ADAMTS19: variants seen among roughly 807,000 people sequenced by gnomAD.
ADAMTS19 encodes the protein A disintegrin and metalloproteinase with thrombospondin motifs 19.
ADAMTS19 carries 93 observed loss-of-function variants against 153.3 expected under a neutral mutation model. That is an observed-to-expected ratio of 0.61 (90% CI 0.51 to 0.72). The LOEUF (loss-of-function observed/expected upper bound fraction) is 0.72, where lower values mean the gene tolerates loss of function less well. Ranked by LOEUF, ADAMTS19 falls within the 30% of genes least tolerant of loss-of-function variation. The probability of loss-of-function intolerance (pLI) is 0.00; values close to 1 mark genes in which losing one functional copy is unlikely to be tolerated. For missense variants in ADAMTS19, 1,482 were observed against 1,552.1 expected (o/e 0.95, Z 0.76); for synonymous variants, 600 against 556.6 (o/e 1.08, Z -1.10).
At chr5:129,553,052 A>T (rs2126826031) in intron 7 of ADAMTS19, among the ~76,000 whole-genome samples, 1 of 152,120 alleles carries the variant, frequency 6.6e-6, no homozygotes, top group Non-Finnish European at 1.5e-5. Context: ...TTCCTGTCTG[A>T]ATCTCCAGAA....
intron 4 of ADAMTS19, among the ~76,000 whole-genome samples, chr5:129,527,209 G>A (rs1199980674): frequency 6.6e-6 from 1 of 151,882 alleles, no homozygotes; most frequent in African/African-American, 2.4e-5. Context: ...GAATCAGAAG[G>A]TTGTAGTGAA....
At chr5:129,631,529 C>T (rs1164333069) in intron 10 of ADAMTS19, among the ~76,000 whole-genome samples, 1 of 151,970 alleles carries the variant, frequency 6.6e-6, no homozygotes, top group Admixed American at 6.6e-5. Context: ...TTGCAAGACA[C>T]TAATACAGTT....
rs185782398 is a variant in ADAMTS19 at position 129,649,759 on chromosome 5, A to G, written c.2176+789A>G. ...GCTGTAGTTCTATAGTTGCTCAGGT[A>G]TAACCATGGGGAGAAACTGAATGAA... On this transcript the variant is annotated intron_variant, in intron 13 of 22. Transcript: ENST00000274487. Among the ~76,000 whole-genome samples, 294 of 152,336 alleles carry G rather than the reference A, an allele frequency of 1.9e-3. 1 individual carries two copies. The highest frequency in any genetic ancestry group is 2.7e-3 in the Admixed American group (42 of 15,302).
intron 7 of ADAMTS19, among the ~76,000 whole-genome samples, chr5:129,570,631 T>A (rs1482284284): frequency 6.6e-5 from 4 of 60,536 alleles, no homozygotes; most frequent in Non-Finnish European, 2.5e-4. Flanking sequence ...AGGAAAAAAA[T>A]TAAAAGAAAA....
intron 19 of ADAMTS19, among the ~76,000 whole-genome samples, chr5:129,697,873 T>C (rs1007403973): frequency 1.3e-5 from 2 of 152,242 alleles, no homozygotes; most frequent in African/African-American, 4.8e-5. Flanking sequence ...CACAATTTGT[T>C]TTATATTGCC....
intron 7 of ADAMTS19, among the ~76,000 whole-genome samples, chr5:129,592,695 G>A (rs1291202659): frequency 6.6e-6 from 1 of 152,102 alleles, no homozygotes; most frequent in Non-Finnish European, 1.5e-5. Context: ...AATAAGAATA[G>A]GAATAGATGG....
rs1208377690 is a variant in ADAMTS19 at position 129,460,381 on chromosome 5, G to A, written c.-11G>A. 1.2e-6 allele frequency: 2 copies of A among 1,612,156 alleles called. No homozygotes were observed. The highest frequency in any genetic ancestry group is 3.3e-5 in the Admixed American group (2 of 60,020). On this transcript the variant is annotated 5_prime_UTR_variant, in exon 1 of 23. Coordinates refer to ENST00000274487, the MANE Select transcript of ADAMTS19 (RefSeq NM_133638.6). ...GCGCCGGGCGAGAAGCCGCGGCCGC[G>A]GGAGCGCAGTATGGGGAAGAACCGC... is the stretch of plus-strand genomic sequence containing the variant.
At chr5:129,694,926 A>G in intron 19 of ADAMTS19, 71 bp downstream of exon 19, 1 of 1,326,992 alleles carries the variant, frequency 7.5e-7, no homozygotes, top group Non-Finnish European at 9.9e-7. Context: ...ACATGCTCAG[A>G]ATATCATTGA....
At chr5:129,671,910 A>AG (rs1754318287) in intron 16 of ADAMTS19, among the ~76,000 whole-genome samples, 1 of 152,100 alleles carries the variant, frequency 6.6e-6, no homozygotes, top group Admixed American at 6.6e-5. Flanking sequence ...TCTCACTAAA[A>AG]AAAAATTAAA....
chr5:129,463,264 TG>T (rs1043126151), intron 2 of ADAMTS19, among the ~76,000 whole-genome samples: 3 of 152,216 alleles, frequency 2.0e-5, no homozygotes, highest in Non-Finnish European at 4.4e-5. Context: ...TGTGCACTTT[TG>T]GTCAGATTTT....
intron 14 of ADAMTS19, among the ~76,000 whole-genome samples, chr5:129,658,321 GAAA>G (rs1753647177): frequency 2.3e-5 from 2 of 86,334 alleles, no homozygotes; most frequent in African/African-American, 8.5e-5. Context: ...AAGAAAGAAA[GAAA>G]GAAAGAAAGA....
In ADAMTS19 at chr5:129,620,306, T is replaced by A. The variant is rs141232506; in HGVS notation, c.1479-312T>A. ...AAACATAAATGTATTATTTCTGAGT[T>A]TCATACATACTATTATGCAAAGAAT... On this transcript the variant is annotated intron_variant, in intron 8 of 22. Coordinates refer to ENST00000274487, the MANE Select transcript of ADAMTS19 (RefSeq NM_133638.6). Among the ~76,000 whole-genome samples the A allele has an allele frequency of 1.9e-3, 294 of 152,166 alleles. 1 individual carries two copies. Among genetic ancestry groups the A allele is most frequent in the Admixed American group, 2.8e-3 (42 of 15,246 alleles).
chr5:129,698,414 T>C (rs1451124137), intron 19 of ADAMTS19, among the ~76,000 whole-genome samples: 2 of 152,190 alleles, frequency 1.3e-5, no homozygotes, highest in Non-Finnish European at 2.9e-5. Context: ...AGAAAGTCAC[T>C]AAATGGCCCG....
intron 7 of ADAMTS19, among the ~76,000 whole-genome samples, chr5:129,594,724 A>G (rs990304916): frequency 1.3e-5 from 2 of 152,084 alleles, no homozygotes; most frequent in African/African-American, 4.8e-5. Context: ...ATCAAATTTT[A>G]AAGTTTTTAT....
At chr5:129,622,573 C>T (rs1316846006) in intron 10 of ADAMTS19, among the ~76,000 whole-genome samples, 5 of 152,064 alleles carry the variant, frequency 3.3e-5, no homozygotes, top group African/African-American at 1.2e-4. Flanking sequence ...CTAATAATTT[C>T]TACTTTGAAA....
chr5:129,641,955 G>C lies in ADAMTS19; in HGVS notation c.1867G>C (p.Gly623Arg). The change falls in exon 11 of 23, where the codon GGT becomes CGT. Residue 623 changes from glycine (G) to arginine (R), a missense_variant. By Grantham distance (125) the Gly-to-Arg change is moderately radical. This residue lies in a region of ADAMTS19 where 866 missense variants were observed against 827.7 expected (regional missense o/e 1.05). Transcript: ENST00000274487. ...PPMDGTDCDL[G>R]KWCKAGECTS... is the part of the protein sequence containing the mutation. ...AATGGATGGAACTGACTGTGACCTT[G>C]GTAAGGTAAGTCATTTGTGTTGTCT... The C allele has an allele frequency of 6.3e-7, 1 of 1,584,918 alleles. No homozygotes were observed. The highest frequency in any genetic ancestry group is 8.6e-7 in the Non-Finnish European group (1 of 1,162,092).
chr5:129,626,815 C>A (rs545714248), intron 10 of ADAMTS19, among the ~76,000 whole-genome samples: 3 of 152,180 alleles, frequency 2.0e-5, no homozygotes, highest in African/African-American at 7.2e-5. Context: ...AAATGCATAT[C>A]TAATATGTTA....
chr5:129,468,984 C>A (rs1052117982), intron 2 of ADAMTS19, among the ~76,000 whole-genome samples: 3 of 151,832 alleles, frequency 2.0e-5, no homozygotes, highest in Non-Finnish European at 2.9e-5. Flanking sequence ...GCCATGTTGG[C>A]CAGGCTGGTC....
At chr5:129,621,832 A>G (rs1751788890) in intron 9 of ADAMTS19, among the ~76,000 whole-genome samples, 2 of 152,276 alleles carry the variant, frequency 1.3e-5, no homozygotes, top group East Asian at 3.9e-4. Flanking sequence ...TAAATCCCCA[A>G]ATATAGCTGA....
Sources: allele counts gnomAD v4.1 joint callset (sites outside exome capture counted in the v4.1 genomes callset), GRCh38; gene constraint gnomAD v4.1.1; regional missense constraint gnomAD v4.1.1; transcripts MANE v1.5; gene names NCBI Gene and HGNC (gene_info 2026-07-23, HGNC 2026-07-21).